BLACAT1: variants seen among roughly 807,000 people sequenced by gnomAD.
BLACAT1 encodes the protein bladder cancer associated transcript 1.
intron 1 of BLACAT1, among the ~76,000 whole-genome samples, chr1:205,442,734 T>C (rs770923367): frequency 8.5e-5 from 13 of 152,196 alleles, no homozygotes; most frequent in Non-Finnish European, 1.8e-4. Flanking sequence ...GGAGTATATA[T>C]AGTTAGCAGA....
At chr1:205,439,124 T>G (rs1666253275), downstream of BLACAT1, among the ~76,000 whole-genome samples, 1 of 152,212 alleles carries the variant, frequency 6.6e-6, no homozygotes. Context: ...CTCTGGCCTC[T>G]GTATCAAGGT....
At chr1:205,444,776 C>G (rs905730570) in intron 1 of BLACAT1, among the ~76,000 whole-genome samples, 6 of 152,100 alleles carry the variant, frequency 3.9e-5, no homozygotes, top group Admixed American at 6.6e-5. Context: ...GGCATGCCAG[C>G]AATTCTCTGA....
chr1:205,444,637 A>T (rs986994033), intron 1 of BLACAT1, among the ~76,000 whole-genome samples: 1 of 152,166 alleles, frequency 6.6e-6, no homozygotes, highest in African/African-American at 2.4e-5. Context: ...AGAAAGTAAG[A>T]TAAAGAGAAA....
At chr1:205,453,355 C>G (rs1261677125) in intron 1 of BLACAT1, among the ~76,000 whole-genome samples, 2 of 152,200 alleles carry the variant, frequency 1.3e-5, no homozygotes, top group Admixed American at 6.5e-5. Flanking sequence ...CCGGTCCCCT[C>G]TGCTCCGAGG....
chr1:205,438,750 T>C (rs1379419431), downstream of BLACAT1, among the ~76,000 whole-genome samples: 2 of 151,692 alleles, frequency 1.3e-5, no homozygotes, highest in African/African-American at 4.8e-5. Flanking sequence ...ACTTTGACCT[T>C]GGGACCCCAC....
rs146593520 is a variant in BLACAT1 at position 205,449,046 on chromosome 1, T to C, written c.-37+6871A>G. On this transcript the variant is annotated intron_variant, in intron 1 of 1. Coordinates refer to ENST00000629624, the Ensembl canonical transcript of BLACAT1. Reference sequence around the variant, plus strand: ...GTGAGATCTCTGTCTCCAGACCTGGTTGGAGTCAGAAAGAGGGCTTCAGCT... The same window carrying C: ...GTGAGATCTCTGTCTCCAGACCTGGCTGGAGTCAGAAAGAGGGCTTCAGCT... Among the ~76,000 whole-genome samples, 307 of 152,078 alleles carry C rather than the reference T, an allele frequency of 2.0e-3. 2 individuals are homozygous for C. Among genetic ancestry groups the C allele is most frequent in the African/African-American group, 7.1e-3 (295 of 41,478 alleles).
At chr1:205,438,185 C>T (rs1024237571), downstream of BLACAT1, among the ~76,000 whole-genome samples, 1 of 152,170 alleles carries the variant, frequency 6.6e-6, no homozygotes, top group East Asian at 1.9e-4. Context: ...GGGAAGTCCT[C>T]GCTTTACAGA....
At chr1:205,451,329 A>G (rs1406892053) in intron 1 of BLACAT1, among the ~76,000 whole-genome samples, 2 of 152,180 alleles carry the variant, frequency 1.3e-5, no homozygotes, top group African/African-American at 4.8e-5. Flanking sequence ...TCTCCACTTC[A>G]GGAGTTTCCA....
At chr1:205,452,712 G>A (rs1167918332) in intron 1 of BLACAT1, among the ~76,000 whole-genome samples, 1 of 152,150 alleles carries the variant, frequency 6.6e-6, no homozygotes, top group Admixed American at 6.5e-5. Flanking sequence ...CCCTTTGCAG[G>A]GACTTAGAGC....
intron 1 of BLACAT1, among the ~76,000 whole-genome samples, chr1:205,443,387 C>T (rs1666329723): frequency 1.4e-5 from 1 of 71,744 alleles, no homozygotes; most frequent in South Asian, 1.0e-3. Context: ...CGTTCCTCCC[C>T]AGGGTCCTTT....
At chr1:205,447,011 T>TGTGGACGTGCATCCAATA (rs906328705) in intron 1 of BLACAT1, among the ~76,000 whole-genome samples, 2 of 152,236 alleles carry the variant, frequency 1.3e-5, no homozygotes, top group Admixed American at 1.3e-4. Flanking sequence ...GGGGCCAATT[T>TGTGGACGTGCATCCAATA]GTGGACGTGC....
chr1:205,441,575 G>C lies in BLACAT1; in HGVS notation c.-36-513C>G, dbSNP rs1332041377. Among the ~76,000 whole-genome samples the C allele has an allele frequency of 1.3e-5, 2 of 152,142 alleles. No individual in the cohort carries two copies. Among genetic ancestry groups the C allele is most frequent in the African/African-American group, 4.8e-5 (2 of 41,434 alleles). Reference sequence around the variant, plus strand: ...TACTTTGACACCTGGGACCGAGTCAGATTCCTCCCTTCCTTAACAACCCCA... The same window carrying C: ...TACTTTGACACCTGGGACCGAGTCACATTCCTCCCTTCCTTAACAACCCCA... On this transcript the variant is annotated intron_variant, in intron 1 of 1. Transcript: ENST00000629624. The surrounding 1 kb of genome is among the most constrained non-coding windows in gnomAD (Gnocchi z 4.3).
intron 1 of BLACAT1, among the ~76,000 whole-genome samples, chr1:205,453,578 G>T (rs552777609): frequency 6.6e-6 from 1 of 152,278 alleles, no homozygotes; most frequent in African/African-American, 2.4e-5. Flanking sequence ...GGCAGCCCTG[G>T]GTTCTTAGGG....
chr1:205,452,748 T>A (rs1235765664), intron 1 of BLACAT1, among the ~76,000 whole-genome samples: 1 of 152,160 alleles, frequency 6.6e-6, no homozygotes, highest in Non-Finnish European at 1.5e-5. Flanking sequence ...TTGCCTATGG[T>A]GGAAGGGAAC....
chr1:205,449,111 T>C (rs1403486568), intron 1 of BLACAT1, among the ~76,000 whole-genome samples: 1 of 152,066 alleles, frequency 6.6e-6, no homozygotes, highest in African/African-American at 2.4e-5. Context: ...TCTGGAGCCA[T>C]CCCTGACAAG....
rs1001993270 is a variant in BLACAT1, at chr1:205,448,132, G to A, written c.-36-7070C>T. Among the ~76,000 whole-genome samples the A allele has an allele frequency of 3.3e-5, 5 of 152,146 alleles. No homozygotes were observed. Among genetic ancestry groups the A allele is most frequent in the African/African-American group, 1.2e-4 (5 of 41,434 alleles). On this transcript the variant is annotated intron_variant, in intron 1 of 1. Transcript: ENST00000629624. The surrounding 1 kb of genome is among the most constrained non-coding windows in gnomAD (Gnocchi z 4.7). ...CGGCCCAGTCTCTTCATTCCAGAGT[G>A]AGGAAACAGGGCCAGAAGGGAAGTG...
At chr1:205,447,385 A>G (rs1043610045) in intron 1 of BLACAT1, among the ~76,000 whole-genome samples, 2 of 152,174 alleles carry the variant, frequency 1.3e-5, no homozygotes, top group African/African-American at 4.8e-5. Context: ...CTGAGATATT[A>G]TAAGAAACTT....
intron 1 of BLACAT1, among the ~76,000 whole-genome samples, chr1:205,446,510 C>A (rs1666391467): frequency 6.6e-6 from 1 of 152,220 alleles, no homozygotes; most frequent in South Asian, 2.1e-4. Context: ...TACCCTTCCT[C>A]CTAGGCTGAG....
chr1:205,437,183 T>G (rs1558742358), downstream of BLACAT1: 1 of 152,346 alleles, frequency 6.6e-6, no homozygotes, highest in Non-Finnish European at 1.5e-5. Context: ...GTGGGGTGGT[T>G]TGATCAGCAT....
Sources: allele counts gnomAD v4.1 joint callset (sites outside exome capture counted in the v4.1 genomes callset), GRCh38; gene constraint gnomAD v4.1.1; non-coding constraint Gnocchi (gnomAD v3.1); transcripts MANE v1.5; gene names NCBI Gene and HGNC (gene_info 2026-07-23, HGNC 2026-07-21).